The following ZDHHC19 variants were observed in gnomAD, a reference collection of about 807,000 sequenced individuals.
ZDHHC19 encodes palmitoyltransferase ZDHHC19.
Under a neutral mutation model 33.9 loss-of-function variants are expected in ZDHHC19, and 30 were observed. The ratio of observed to expected loss-of-function variants is 0.88; its 90% CI spans 0.66 to 1.20. The LOEUF (loss-of-function observed/expected upper bound fraction) is 1.20, where lower values mean the gene tolerates loss of function less well. ZDHHC19 is among the 50% of genes most tolerant of loss of function. ZDHHC19 has a pLI of 0.00. For synonymous variants in ZDHHC19, 178 were observed against 167.6 expected (o/e 1.06, Z -0.48); for missense variants, 364 against 401.1 (o/e 0.91, Z 0.79).
At chr3:196,205,555 G>A (rs771034418) in intron 5 of ZDHHC19, among the ~76,000 whole-genome samples, 4 of 152,334 alleles carry the variant, frequency 2.6e-5, no homozygotes, top group Admixed American at 6.5e-5. Flanking sequence ...AATATTGATT[G>A]TGGTGGTGGC....
chr3:196,207,524 G>C (rs1430154645), intron 4 of ZDHHC19, 21 bp from the exon 5 acceptor site: 4 of 1,528,610 alleles, frequency 2.6e-6, no homozygotes, highest in Non-Finnish European at 3.5e-6. Context: ...TAAGGAACCG[G>C]GCTGCGGGAC....
intron 3 of ZDHHC19, chr3:196,209,014 C>T (rs1577330640): frequency 3.4e-6 from 1 of 295,186 alleles, no homozygotes; most frequent in East Asian, 6.8e-5. Flanking sequence ...GACACCCAGG[C>T]GAGGACAGGC....
intron 6 of ZDHHC19, 115 bp from the exon 7 acceptor site, chr3:196,198,566 C>T: frequency 6.4e-7 from 1 of 1,553,536 alleles, no homozygotes; most frequent in African/African-American, 1.4e-5. Context: ...AAGCTGAGGC[C>T]AGCCTCATCC....
At position 196,209,729 on chromosome 3, in the gene ZDHHC19, G is replaced by A. The variant is rs1048250893; in HGVS notation, c.269-214C>T. Among the ~76,000 whole-genome samples the A allele has an allele frequency of 6.6e-5, 10 of 152,228 alleles. No individual in the cohort carries two copies. In the East Asian group the frequency reaches 7.7e-4, roughly 12 times the overall value. The stretch of plus-strand genomic sequence containing the variant: ...GGAGAGTTTTGTATGAAACTCAGGC[G>A]TTTGGAACAGTGAGTGCTGCTTTGA... On this transcript the variant is annotated intron_variant, in intron 2 of 7. Coordinates refer to ENST00000296326, the MANE Select transcript of ZDHHC19 (RefSeq NM_001039617.2).
intron 5 of ZDHHC19, among the ~76,000 whole-genome samples, chr3:196,201,065 C>A (rs530598782): frequency 3.3e-5 from 5 of 151,712 alleles, no homozygotes; most frequent in Admixed American, 3.3e-4. Context: ...ATTCATAAGA[C>A]TGACCCATAC....
intron 2 of ZDHHC19, 47 bp from the exon 3 acceptor site, chr3:196,209,562 C>T (rs375650920): frequency 1.9e-6 from 3 of 1,593,576 alleles, no homozygotes; most frequent in Non-Finnish European, 2.6e-6. Context: ...CTGCGGTCAC[C>T]CCGCGGCGGG....
At chr3:196,210,810 C>G (rs1023352034) in intron 1 of ZDHHC19, 73 bp from the exon 2 acceptor site, 1 of 1,549,564 alleles carries the variant, frequency 6.5e-7, no homozygotes, top group Non-Finnish European at 8.7e-7. Context: ...GTGGCTTGCT[C>G]AGGTCAGGAC....
intron 6 of ZDHHC19, 44 bp downstream of exon 6, chr3:196,198,745 C>T (rs1722003624): frequency 6.2e-7 from 1 of 1,610,166 alleles, no homozygotes; most frequent in Non-Finnish European, 8.5e-7. Flanking sequence ...ACCTCTGCCC[C>T]ACCCCCAGGG....
intron 5 of ZDHHC19, among the ~76,000 whole-genome samples, chr3:196,200,057 A>C (rs543135567): frequency 4.6e-5 from 7 of 151,778 alleles, no homozygotes; most frequent in Non-Finnish European, 1.0e-4. Flanking sequence ...TGGGAGGTGG[A>C]GAAGGGAGGA....
At chr3:196,209,210 T>G in intron 3 of ZDHHC19, 166 bp downstream of exon 3, 1 of 937,712 alleles carries the variant, frequency 1.1e-6, no homozygotes, top group Non-Finnish European at 1.6e-6. Flanking sequence ...CAGGTGCAGG[T>G]GGAGAACACA....
chr3:196,208,564 G>A lies in ZDHHC19; in HGVS notation c.409-4C>T, dbSNP rs750694690. The A allele has an allele frequency of 1.9e-6, 3 of 1,613,862 alleles. No individual in the cohort carries two copies. The highest frequency in any genetic ancestry group is 1.7e-5 in the Admixed American group (1 of 59,990). The stretch of plus-strand genomic sequence containing the variant: ...ACTTGCAGTGGTGGTCAAAGTCCTG[G>A]GCGACAGGGAGAGGGGCCAGGCTTG... On this transcript the variant is annotated splice_region_variant and splice_polypyrimidine_tract_variant and intron_variant, in intron 3 of 7. Transcript: ENST00000296326.
Position 196,211,370 on chromosome 3 carries a change from A to T in ZDHHC19, c.-55T>A. 6.5e-7 allele frequency: 1 copy of T among 1,543,516 alleles called. No homozygotes were observed. The highest frequency in any genetic ancestry group is 1.3e-5 in the South Asian group (1 of 78,626). ...TCAGAGCCACCAGGCTTCCTCCCCC[A>T]GCCCAGCTTCCAGAGCTCCATGGCC... is the stretch of plus-strand genomic sequence containing the variant. On this transcript the variant is annotated 5_prime_UTR_variant, in exon 1 of 8. Coordinates refer to ENST00000296326, the MANE Select transcript of ZDHHC19 (RefSeq NM_001039617.2).
chr3:196,200,359 A>ATATATATATGTATATATATATAAT (rs1722181168), intron 5 of ZDHHC19, among the ~76,000 whole-genome samples: 2 of 124,006 alleles, frequency 1.6e-5, no homozygotes, highest in African/African-American at 6.3e-5. Context: ...TATATATATA[A>ATATATATATGTATATATATATAAT]TTTTTTTTTT....
chr3:196,208,420 G>A lies in ZDHHC19; in HGVS notation c.549C>T (p.Thr183=). Residue 183 remains threonine, a synonymous_variant, in exon 4 of 8, where the codon ACC becomes ACT. Transcript: ENST00000296326. The part of the protein sequence containing the change: ...VTCLIFLVRT[T]HLPFSTDKAI... ...CCTTGTCGGTGGAGAAGGGCAGGTG[G>A]GTTGTGCGCACCAGGAAGATGAGAC... 1 of 1,614,122 alleles carries A rather than the reference G, an allele frequency of 6.2e-7. No individual in the cohort carries two copies. Among genetic ancestry groups the A allele is most frequent in the Admixed American group, 1.7e-5 (1 of 60,018 alleles).
At chr3:196,206,045 T>C (rs972008322) in intron 5 of ZDHHC19, among the ~76,000 whole-genome samples, 1 of 142,648 alleles carries the variant, frequency 7.0e-6, no homozygotes, top group African/African-American at 2.6e-5. Flanking sequence ...CACCTGACTT[T>C]CTGGGGTTGT....
intron 5 of ZDHHC19, among the ~76,000 whole-genome samples, chr3:196,206,001 C>T (rs1722701042): frequency 6.6e-6 from 1 of 151,680 alleles, no homozygotes; most frequent in South Asian, 2.1e-4. Context: ...CCCTGGCTCT[C>T]ATACCATGAT....
Position 196,210,751 on chromosome 3 carries a change from C to A in ZDHHC19, c.147-14G>T. 1 of 1,611,994 alleles carries A rather than the reference C, an allele frequency of 6.2e-7. No individual in the cohort carries two copies. Among genetic ancestry groups the A allele is most frequent in the Non-Finnish European group, 8.5e-7 (1 of 1,179,070 alleles). On this transcript the variant is annotated splice_polypyrimidine_tract_variant and intron_variant, in intron 1 of 7. Transcript: ENST00000296326. ...AGCCACCTGCAACTGAGACCAGAGG[C>A]AGGCTCGGTCCTGAGCAGGGGCAGC...
Position 196,198,312 on chromosome 3 carries a change from T to A in ZDHHC19, c.913A>T (p.Thr305Ser), listed in dbSNP as rs117210533. 9,078 of 1,493,780 alleles carry A rather than the reference T, an allele frequency of 6.1e-3. 383 individuals carry two copies. The South Asian group carries it at 0.086, about 14-fold the overall frequency. The allele number at this position is 1,493,780 out of a possible 1,614,324, so 92.5% of individuals were successfully genotyped here. Residue 305 changes from threonine to serine, a missense_variant, in exon 7 of 8, where the codon ACC (threonine) becomes TCC (serine). Physicochemically the swap from Thr to Ser is moderately conservative, Grantham distance 58 (BLOSUM62 1). Coordinates refer to ENST00000296326, the MANE Select transcript of ZDHHC19 (RefSeq NM_001039617.2). ...TSGSLQSREG[T>S]PGAW The stretch of plus-strand genomic sequence containing the variant: ...CTGCAGCCTCACCACGCCCCGGGGG[T>A]CCCTTCCCTGCTTTGTAGGGACCCA...
At chr3:196,210,145 T>C (rs13079186) in intron 2 of ZDHHC19, among the ~76,000 whole-genome samples, 87,503 of 150,982 alleles carry the variant, frequency 0.58, 25,497 homozygotes, top group African/African-American at 0.63. Flanking sequence ...GAGCGGAGAT[T>C]GCGCCACTGC....
Sources: allele counts gnomAD v4.1 joint callset (sites outside exome capture counted in the v4.1 genomes callset), GRCh38; gene constraint gnomAD v4.1.1; transcripts MANE v1.5; gene names NCBI Gene and HGNC (gene_info 2026-07-23, HGNC 2026-07-21).